The following GRID1 variants were observed in gnomAD, a reference collection of about 807,000 sequenced individuals.
GRID1 encodes glutamate receptor ionotropic, delta-1.
GRID1 carries 28 observed loss-of-function variants against 98.0 expected under a neutral mutation model. The observed-to-expected ratio is 0.29, with a 90% CI of 0.21 to 0.39. The LOEUF (loss-of-function observed/expected upper bound fraction) is 0.39, where lower values mean the gene tolerates loss of function less well. Among genes scored for constraint, GRID1 ranks in the 10% least tolerant of loss-of-function variants. GRID1 has a pLI of 1.00. For missense variants in GRID1, 1,111 were observed against 1,340.5 expected (o/e 0.83, Z 2.67); for synonymous variants, 553 against 538.5 (o/e 1.03, Z -0.37).
chr10:85,933,210 C>G (rs1305770080), intron 4 of GRID1, among the ~76,000 whole-genome samples: 1 of 150,512 alleles, frequency 6.6e-6, no homozygotes, highest in East Asian at 1.9e-4. Flanking sequence ...GCACAAAGGC[C>G]CTTGCCAATG....
At chr10:86,326,096 A>G (rs1006608588) in intron 2 of GRID1, among the ~76,000 whole-genome samples, 9 of 152,270 alleles carry the variant, frequency 5.9e-5, no homozygotes, top group South Asian at 2.1e-4. Context: ...AGCACTCCCA[A>G]TTAGAAAATG....
At chr10:85,847,106 A>G (rs77321310) in intron 8 of GRID1, among the ~76,000 whole-genome samples, 5,025 of 152,320 alleles carry the variant, frequency 0.033, 125 homozygotes, top group Non-Finnish European at 0.047. Flanking sequence ...TAACAAAAAA[A>G]CAAAATGATA....
chr10:86,254,487 C>A (rs1047221206), intron 2 of GRID1, among the ~76,000 whole-genome samples: 1 of 152,234 alleles, frequency 6.6e-6, no homozygotes, highest in South Asian at 2.1e-4. Flanking sequence ...TTGACAAGAT[C>A]CAGGTGACGG....
intron 5 of GRID1, among the ~76,000 whole-genome samples, chr10:85,885,734 T>C (rs1163295181): frequency 6.6e-6 from 1 of 152,182 alleles, no homozygotes; most frequent in Non-Finnish European, 1.5e-5. Context: ...ACTGAATACA[T>C]CTGCAGTGTT....
At chr10:86,247,460 T>C (rs1375424484) in intron 2 of GRID1, among the ~76,000 whole-genome samples, 7 of 151,928 alleles carry the variant, frequency 4.6e-5, no homozygotes, top group Non-Finnish European at 1.0e-4. Flanking sequence ...AGAAAGAGTA[T>C]AAAAGGATTG....
intron 15 of GRID1, among the ~76,000 whole-genome samples, chr10:85,611,934 T>C (rs998978623): frequency 2.6e-5 from 4 of 152,254 alleles, no homozygotes; most frequent in African/African-American, 9.6e-5. Context: ...TCTGTCTTCC[T>C]TCCCTTCTGA....
chr10:85,616,153 C>T (rs535619797), intron 14 of GRID1, among the ~76,000 whole-genome samples: 4 of 152,340 alleles, frequency 2.6e-5, no homozygotes, highest in Admixed American at 2.0e-4. Context: ...TAGCCTTATC[C>T]TGCCAGCACT....
chr10:85,714,445 G>C (rs190808523), intron 12 of GRID1, among the ~76,000 whole-genome samples: 1 of 151,866 alleles, frequency 6.6e-6, no homozygotes, highest in African/African-American at 2.4e-5. Context: ...TCAAATCAGA[G>C]AGAAAGAAGT....
At chr10:86,114,644 C>G (rs1203447754) in intron 4 of GRID1, among the ~76,000 whole-genome samples, 4 of 152,180 alleles carry the variant, frequency 2.6e-5, no homozygotes, top group Non-Finnish European at 5.9e-5. Flanking sequence ...CTCAACTCCT[C>G]CTGTCTTTCC....
chr10:85,723,245 G>T, intron 11 of GRID1, 104 bp from the exon 12 acceptor site: 1 of 1,153,740 alleles, frequency 8.7e-7, no homozygotes, highest in Non-Finnish European at 1.2e-6. Context: ...CATCACTCGT[G>T]ATGGGCTGGA....
intron 4 of GRID1, among the ~76,000 whole-genome samples, chr10:85,927,276 A>C (rs541268926): frequency 6.6e-6 from 1 of 152,306 alleles, no homozygotes; most frequent in Non-Finnish European, 1.5e-5. Flanking sequence ...GAACCAATGG[A>C]CTGTGAGTTA....
At chr10:85,803,973 C>A (rs903672333) in intron 8 of GRID1, among the ~76,000 whole-genome samples, 1 of 151,146 alleles carries the variant, frequency 6.6e-6, no homozygotes, top group African/African-American at 2.4e-5. Flanking sequence ...CTAACCCAAG[C>A]TTTCAATTAA....
intron 4 of GRID1, among the ~76,000 whole-genome samples, chr10:86,059,184 G>T (rs981314890): frequency 6.6e-6 from 1 of 152,228 alleles, no homozygotes; most frequent in Non-Finnish European, 1.5e-5. Flanking sequence ...AAGGGAGCAG[G>T]TGCGGCTGGT....
At chr10:85,892,216 C>CAAA (rs35210466) in intron 5 of GRID1, among the ~76,000 whole-genome samples, 2 of 123,738 alleles carry the variant, frequency 1.6e-5, no homozygotes, top group Non-Finnish European at 1.8e-5. Flanking sequence ...AAAAAAAAAA[C>CAAA]AAAAAAAAAA....
intron 8 of GRID1, among the ~76,000 whole-genome samples, chr10:85,784,596 C>G (rs962342586): frequency 6.6e-6 from 1 of 152,202 alleles, no homozygotes; most frequent in Non-Finnish European, 1.5e-5. Context: ...ATTCTAGGAC[C>G]GTGTCTGGTG....
intron 2 of GRID1, among the ~76,000 whole-genome samples, chr10:86,247,653 T>G (rs1457194602): frequency 6.6e-6 from 1 of 151,962 alleles, no homozygotes; most frequent in Admixed American, 6.5e-5. Flanking sequence ...TTTTCAAAGT[T>G]GGGAAACTAA....
intron 3 of GRID1, among the ~76,000 whole-genome samples, chr10:86,157,888 G>T (rs1327161985): frequency 1.3e-5 from 2 of 152,234 alleles, no homozygotes; most frequent in Non-Finnish European, 2.9e-5. Flanking sequence ...CTGTCCATAA[G>T]TGTGGCTGCC....
At chr10:86,196,258 G>A (rs1397218826) in intron 3 of GRID1, among the ~76,000 whole-genome samples, 2 of 152,018 alleles carry the variant, frequency 1.3e-5, no homozygotes, top group African/African-American at 4.8e-5. Context: ...GGACAGAGTT[G>A]GGGCTCTAGG....
chr10:86,013,240 C>T (rs568902529), intron 4 of GRID1, among the ~76,000 whole-genome samples: 3 of 152,148 alleles, frequency 2.0e-5, no homozygotes, highest in Non-Finnish European at 4.4e-5. Flanking sequence ...GCCAAAAGGG[C>T]AAAATGTAAA....
Sources: gnomAD v4.1 joint callset for allele counts (sites outside exome capture counted in the v4.1 genomes callset) on GRCh38, gnomAD v4.1.1 for gene constraint, MANE v1.5 for transcripts, NCBI Gene and HGNC (gene_info 2026-07-23, HGNC 2026-07-21) for gene names.